The following IFT88 variants were observed in gnomAD, a reference collection of about 807,000 sequenced individuals.
The protein encoded by IFT88 is intraflagellar transport 88.
In IFT88, 74 loss-of-function variants were observed where a neutral mutation model predicts 119.5. The ratio of observed to expected loss-of-function variants is 0.62; its 90% CI spans 0.51 to 0.75. The LOEUF is 0.75. IFT88 is among the 30% of genes least tolerant of loss of function. The pLI, the probability that IFT88 is intolerant of heterozygous loss-of-function variation, is 0.00. For synonymous variants in IFT88, 279 were observed against 316.7 expected, an observed-to-expected ratio of 0.88 and a Z score of 1.26; for missense variants, 961 against 977.7, an observed-to-expected ratio of 0.98 and a Z score of 0.23.
At chr13:20,651,915 TTACA>T (rs1860726954) in intron 20 of IFT88, among the ~76,000 whole-genome samples, 8 of 152,176 alleles carry the variant, frequency 5.3e-5, no homozygotes, top group Admixed American at 5.2e-4. Flanking sequence ...GGAAGTTCTG[TTACA>T]TGCTACAACA....
chr13:20,570,664 C>T (rs529271700), intron 1 of IFT88, among the ~76,000 whole-genome samples: 112 of 92,012 alleles, frequency 1.2e-3, no homozygotes, highest in African/African-American at 3.7e-3. Context: ...TTGGCAAATC[C>T]ATAGAGACAG....
chr13:20,613,769 C>T (rs989856740), intron 13 of IFT88, among the ~76,000 whole-genome samples: 6 of 151,918 alleles, frequency 3.9e-5, no homozygotes, highest in Non-Finnish European at 7.4e-5. Flanking sequence ...AGTACTGATA[C>T]GTGCTGTTAG....
chr13:20,607,059 G>A (rs573871358), intron 13 of IFT88, among the ~76,000 whole-genome samples: 6 of 152,300 alleles, frequency 3.9e-5, no homozygotes, highest in South Asian at 4.1e-4. Context: ...CACTTGGGCA[G>A]GATGGCGGCG....
intron 22 of IFT88, among the ~76,000 whole-genome samples, chr13:20,659,609 A>G (rs1166093258): frequency 6.6e-6 from 1 of 151,790 alleles, no homozygotes; most frequent in Non-Finnish European, 1.5e-5. Context: ...TGACATTTTA[A>G]GTTACTTTAT....
chr13:20,659,310 A>G (rs1261914432), intron 22 of IFT88, among the ~76,000 whole-genome samples: 5 of 152,188 alleles, frequency 3.3e-5, no homozygotes. Flanking sequence ...CCTGGGAAAC[A>G]TGGCAAGACC....
chr13:20,599,878 C>A, intron 11 of IFT88, among the ~76,000 whole-genome samples: 1 of 151,774 alleles, frequency 6.6e-6, no homozygotes, highest in Non-Finnish European at 1.5e-5. Flanking sequence ...TCCTCCAGAA[C>A]ATATCAATAC....
At chr13:20,676,603 C>T (rs900097846) in intron 24 of IFT88, among the ~76,000 whole-genome samples, 3 of 152,148 alleles carry the variant, frequency 2.0e-5, no homozygotes, top group Non-Finnish European at 4.4e-5. Flanking sequence ...CCAAGTGTAC[C>T]CCTGTCTCAC....
intron 14 of IFT88, among the ~76,000 whole-genome samples, chr13:20,620,691 G>A (rs891406599): frequency 2.6e-5 from 4 of 151,752 alleles, no homozygotes; most frequent in African/African-American, 4.8e-5. Context: ...TCAGCCTCCT[G>A]AGTAGCTGGG....
intron 9 of IFT88, among the ~76,000 whole-genome samples, chr13:20,597,754 A>AAAAT (rs1446969137): frequency 1.4e-4 from 20 of 142,648 alleles, no homozygotes; most frequent in South Asian, 4.5e-4. Flanking sequence ...TCAAAAAAAA[A>AAAAT]ATATATATAT....
chr13:20,660,887 T>G (rs2053669563), intron 22 of IFT88, among the ~76,000 whole-genome samples: 1 of 152,234 alleles, frequency 6.6e-6, no homozygotes, highest in Non-Finnish European at 1.5e-5. Context: ...GGGGGCCATC[T>G]TCATATAAAT....
At chr13:20,682,648 C>T (rs1566477895) in intron 24 of IFT88, among the ~76,000 whole-genome samples, 1 of 152,074 alleles carries the variant, frequency 6.6e-6, no homozygotes, top group Admixed American at 6.5e-5. Flanking sequence ...TAAACCGGCT[C>T]GAGAAATCGA....
intron 2 of IFT88, 51 bp downstream of exon 2, chr13:20,574,526 T>C (rs748127968): frequency 4.1e-5 from 39 of 960,976 alleles, no homozygotes; most frequent in Non-Finnish European, 5.7e-5. Context: ...CCAGCTGGTT[T>C]ATGAAGACTG....
chr13:20,641,246 A>T, intron 17 of IFT88, 44 bp from the exon 18 acceptor site: 1 of 1,007,656 alleles, frequency 9.9e-7, no homozygotes, highest in Non-Finnish European at 1.5e-6. Flanking sequence ...ATTAATACCA[A>T]TAATGATACT....
intron 20 of IFT88, among the ~76,000 whole-genome samples, chr13:20,648,751 G>A (rs1004355629): frequency 6.6e-6 from 1 of 151,992 alleles, no homozygotes; most frequent in African/African-American, 2.4e-5. Context: ...GAAAATCAGG[G>A]TCTATTTATA....
chr13:20,613,082 G>T (rs2044880581), intron 13 of IFT88, among the ~76,000 whole-genome samples: 1 of 152,124 alleles, frequency 6.6e-6, no homozygotes. Flanking sequence ...GAAAAAAATA[G>T]ATAAATTGGA....
chr13:20,574,948 C>A (rs980922993), intron 2 of IFT88, among the ~76,000 whole-genome samples: 2 of 152,016 alleles, frequency 1.3e-5, no homozygotes, highest in Non-Finnish European at 2.9e-5. Context: ...AGCATTTATC[C>A]TTTGTGTTCC....
intron 23 of IFT88, among the ~76,000 whole-genome samples, chr13:20,666,888 T>C (rs1208131528): frequency 6.6e-6 from 1 of 152,204 alleles, no homozygotes; most frequent in Non-Finnish European, 1.5e-5. Context: ...TTCCCAGGCA[T>C]TTTTACAAAT....
intron 24 of IFT88, among the ~76,000 whole-genome samples, chr13:20,676,286 G>A (rs931325357): frequency 3.3e-5 from 5 of 152,152 alleles, no homozygotes; most frequent in African/African-American, 1.2e-4. Flanking sequence ...AAATCTCTTT[G>A]TCACAGTTTC....
rs757840209 is a variant in IFT88, at chr13:20,615,911, T to C, written c.1199+32T>C. On this transcript the variant is annotated intron_variant, in intron 14 of 25. Coordinates refer to ENST00000351808, the MANE Select transcript of IFT88 (RefSeq NM_006531.5). ...GAGAAAGTCTATAATACTGCATAGA[T>C]GTGGTTTTTTTCATAATTTATACTT... The C allele has an allele frequency of 4.0e-6, 5 of 1,264,634 alleles. No homozygotes were observed. In the South Asian group the frequency reaches 7.3e-5, roughly 19 times the overall value. The allele number at this position is 1,264,634 out of a possible 1,614,324, so 78.3% of individuals were successfully genotyped here. A position where few individuals can be genotyped will look rare whatever the true frequency, so the allele number is the denominator to read the frequency against.
Sources: gnomAD v4.1 joint callset for allele counts (sites outside exome capture counted in the v4.1 genomes callset) on GRCh38, gnomAD v4.1.1 for gene constraint, MANE v1.5 for transcripts, NCBI Gene and HGNC (gene_info 2026-07-23, HGNC 2026-07-21) for gene names.